Variants in SLC25A20 observed in about 807,000 individuals in gnomAD.
The protein encoded by SLC25A20 is solute carrier family 25 member 20.
A neutral mutation model predicts 39.7 loss-of-function variants in SLC25A20; 29 were observed. The observed-to-expected ratio is 0.73, with a 90% CI of 0.54 to 1.00. SLC25A20 has a LOEUF of 1.00. SLC25A20 is among the 50% of genes least tolerant of loss of function. The probability of loss-of-function intolerance (pLI) is 0.00; values close to 1 mark genes in which losing one functional copy is unlikely to be tolerated. For missense variants in SLC25A20, 333 were observed against 379.9 expected (o/e 0.88, Z 1.03); for synonymous variants, 103 against 142.2 (o/e 0.72, Z 1.96).
At chr3:48,874,850 C>T (rs1372402246) in intron 4 of SLC25A20, among the ~76,000 whole-genome samples, 1 of 151,546 alleles carries the variant, frequency 6.6e-6, no homozygotes, top group Admixed American at 6.6e-5. Context: ...AGTTCAAGAC[C>T]AGGCTGGCCA....
At chr3:48,895,306 C>A (rs1415713120) in intron 1 of SLC25A20, among the ~76,000 whole-genome samples, 1 of 152,156 alleles carries the variant, frequency 6.6e-6, no homozygotes, top group East Asian at 1.9e-4. Context: ...CCATGCCTGG[C>A]CTAATTTTGT....
At chr3:48,873,190 C>T (rs984494959) in intron 4 of SLC25A20, among the ~76,000 whole-genome samples, 9 of 152,150 alleles carry the variant, frequency 5.9e-5, no homozygotes, top group African/African-American at 2.2e-4. Context: ...CGCCACTGCC[C>T]TCCAGCCTGG....
At chr3:48,871,073 G>A (rs1575983644) in intron 4 of SLC25A20, among the ~76,000 whole-genome samples, 2 of 151,932 alleles carry the variant, frequency 1.3e-5, no homozygotes, top group East Asian at 1.9e-4. Flanking sequence ...TGATCCACCT[G>A]CCTCAGCTTC....
At chr3:48,860,587 G>C (rs1317589867) in intron 5 of SLC25A20, among the ~76,000 whole-genome samples, 1 of 151,098 alleles carries the variant, frequency 6.6e-6, no homozygotes, top group East Asian at 2.0e-4. Context: ...CCTGGTGACA[G>C]AGCAAGACTC....
chr3:48,888,299 C>T (rs1226289975), intron 2 of SLC25A20, among the ~76,000 whole-genome samples: 2 of 149,690 alleles, frequency 1.3e-5, no homozygotes, highest in African/African-American at 2.5e-5. Context: ...AAGCCAGATG[C>T]AGTGGCTCAT....
chr3:48,864,301 T>C (rs2083648955), intron 4 of SLC25A20, among the ~76,000 whole-genome samples: 1 of 124,344 alleles, frequency 8.0e-6, no homozygotes, highest in Admixed American at 1.2e-4. Context: ...TGAGCCGAGA[T>C]TGCACCACTG....
chr3:48,898,683 C>A lies in SLC25A20; in HGVS notation c.105+7G>T, dbSNP rs1057522972. ...CTCCCCAAAGCCTGCGACCCAGCCT[C>A]CCGCACCTTGACCGTGTCCAGAGGG... On this transcript the variant is annotated splice_region_variant and intron_variant, in intron 1 of 8. Coordinates refer to ENST00000319017, the MANE Select transcript of SLC25A20 (RefSeq NM_000387.6). The A allele has an allele frequency of 6.3e-7, 1 of 1,596,448 alleles. No homozygotes were observed. Among genetic ancestry groups the A allele is most frequent in the African/African-American group, 1.3e-5 (1 of 74,638 alleles).
chr3:48,870,640 C>T (rs2083707804), intron 4 of SLC25A20, among the ~76,000 whole-genome samples: 2 of 148,440 alleles, frequency 1.3e-5, no homozygotes, highest in South Asian at 2.1e-4. Context: ...TAGCCCACCA[C>T]GTAGCTGGGA....
intron 3 of SLC25A20, among the ~76,000 whole-genome samples, chr3:48,883,015 G>A (rs1177215242): frequency 3.0e-5 from 4 of 134,804 alleles, no homozygotes; most frequent in Non-Finnish European, 6.2e-5. Flanking sequence ...GCGAAACCCC[G>A]TCTCTACTAA....
chr3:48,879,009 T>C (rs1304650238), intron 4 of SLC25A20, among the ~76,000 whole-genome samples: 1 of 152,044 alleles, frequency 6.6e-6, no homozygotes, highest in Non-Finnish European at 1.5e-5. Flanking sequence ...TAGCTGGGAT[T>C]ACAGGTGCCC....
chr3:48,862,392 G>A (rs2106638280), intron 5 of SLC25A20, 150 bp downstream of exon 5: 1 of 706,188 alleles, frequency 1.4e-6, no homozygotes, highest in Non-Finnish European at 2.6e-6. Context: ...CGTCCATGCT[G>A]GCCAGGGGGA....
At chr3:48,892,330 T>C (rs935660002) in intron 1 of SLC25A20, among the ~76,000 whole-genome samples, 5 of 152,210 alleles carry the variant, frequency 3.3e-5, no homozygotes, top group Non-Finnish European at 7.3e-5. Context: ...GACATTTGTG[T>C]TTTTCCTACT....
intron 1 of SLC25A20, among the ~76,000 whole-genome samples, chr3:48,896,140 CAAAA>C (rs1220224923): frequency 2.9e-5 from 2 of 69,754 alleles, no homozygotes; most frequent in South Asian, 4.5e-4. Context: ...AGTCTTGTCT[CAAAA>C]AAAAAAAAAA....
At chr3:48,886,579 A>T (rs1437557752) in intron 2 of SLC25A20, among the ~76,000 whole-genome samples, 2 of 151,938 alleles carry the variant, frequency 1.3e-5, no homozygotes, top group Non-Finnish European at 2.9e-5. Context: ...GTAAATGTAT[A>T]TTATGTAGAT....
chr3:48,878,631 C>T (rs2106653060), intron 4 of SLC25A20, among the ~76,000 whole-genome samples: 1 of 151,962 alleles, frequency 6.6e-6, no homozygotes, highest in South Asian at 2.1e-4. Context: ...AAAGCCCTGT[C>T]TCTACTAAAA....
At chr3:48,888,059 G>C (rs1575991105) in intron 2 of SLC25A20, among the ~76,000 whole-genome samples, 1 of 150,464 alleles carries the variant, frequency 6.6e-6, no homozygotes. Flanking sequence ...TTATAAAAAT[G>C]AGCTGGGCAT....
Position 48,894,493 on chromosome 3 carries a change from G to A in SLC25A20, c.106-2421C>T, listed in dbSNP as rs183037250. Among the ~76,000 whole-genome samples, 352 of 150,164 alleles carry A rather than the reference G, an allele frequency of 2.3e-3. 3 individuals are homozygous for A. The highest frequency in any genetic ancestry group is 4.5e-3 in the Admixed American group (68 of 14,962). ...TCGCTGTGTTGGCCAGACTGGTCTC[G>A]AACTTCTGACCTCAGGTGATCCACC... On this transcript the variant is annotated intron_variant, in intron 1 of 8. Transcript: ENST00000319017.
rs1262905488 is a variant in SLC25A20, at chr3:48,871,942, A to G, written c.417+7416T>C. 2.0e-5 allele frequency among the ~76,000 whole-genome samples: 3 copies of G among 148,386 alleles called. No homozygotes were observed. The Admixed American group carries it at 2.0e-4, about 10-fold the overall frequency. ...TGATCCTCACACCTCACCACCCGCA[A>G]GTAGCTGGGACTACAGGTGCATACC... On this transcript the variant is annotated intron_variant, in intron 4 of 8. Transcript: ENST00000319017.
intron 7 of SLC25A20, 25 bp downstream of exon 7, chr3:48,859,067 G>T: frequency 6.3e-7 from 1 of 1,590,430 alleles, no homozygotes; most frequent in Non-Finnish European, 8.6e-7. Flanking sequence ...CTCTCCCCCT[G>T]TCCACCCCAC....
Sources: gnomAD v4.1 joint callset for allele counts (sites outside exome capture counted in the v4.1 genomes callset) on GRCh38, gnomAD v4.1.1 for gene constraint, MANE v1.5 for transcripts, NCBI Gene and HGNC (gene_info 2026-07-23, HGNC 2026-07-21) for gene names.